THSD7A: variants seen among roughly 807,000 people sequenced by gnomAD.
THSD7A encodes the protein thrombospondin type 1 domain containing 7A.
In THSD7A, 96 loss-of-function variants were observed where a neutral mutation model predicts 231.3. The observed-to-expected ratio is 0.41, with a 90% CI of 0.35 to 0.49. The LOEUF (loss-of-function observed/expected upper bound fraction) is 0.49. Among genes scored for constraint, THSD7A ranks in the 20% least tolerant of loss-of-function variants. The probability of loss-of-function intolerance (pLI) is 0.05; values close to 1 mark genes in which losing one functional copy is unlikely to be tolerated. For synonymous variants in THSD7A, 940 were observed against 743.3 expected, an observed-to-expected ratio of 1.26 and a Z score of -4.30; for missense variants, 2,290 against 2,070.2, an observed-to-expected ratio of 1.11 and a Z score of -2.06.
intron 11 of THSD7A, among the ~76,000 whole-genome samples, chr7:11,451,707 G>A (rs1562620013): frequency 6.6e-6 from 1 of 151,990 alleles, no homozygotes; most frequent in East Asian, 1.9e-4. Flanking sequence ...AGATAACACT[G>A]GCTGAGCTAA....
chr7:11,649,433 T>C (rs1459155497), intron 1 of THSD7A, among the ~76,000 whole-genome samples: 3 of 152,038 alleles, frequency 2.0e-5, no homozygotes, highest in Admixed American at 6.6e-5. Flanking sequence ...TTTGAGGTAA[T>C]ATTTTATGCA....
chr7:11,478,285 G>A (rs1053907587), intron 7 of THSD7A, among the ~76,000 whole-genome samples: 1 of 152,172 alleles, frequency 6.6e-6, no homozygotes, highest in Non-Finnish European at 1.5e-5. Flanking sequence ...CCTTGATGCT[G>A]GAATTCTCTC....
chr7:11,698,876 T>TGG (rs1025127089), intron 1 of THSD7A, among the ~76,000 whole-genome samples: 3 of 151,398 alleles, frequency 2.0e-5, no homozygotes, highest in African/African-American at 7.3e-5. Flanking sequence ...GATCAGGTTT[T>TGG]GGATCAGCTG....
At chr7:11,574,979 C>T (rs903238010) in intron 4 of THSD7A, among the ~76,000 whole-genome samples, 1 of 152,104 alleles carries the variant, frequency 6.6e-6, no homozygotes, top group Non-Finnish European at 1.5e-5. Flanking sequence ...GATTCACAAT[C>T]CTGATTATGA....
At chr7:11,612,064 T>C (rs1012784056) in intron 2 of THSD7A, among the ~76,000 whole-genome samples, 4 of 152,136 alleles carry the variant, frequency 2.6e-5, no homozygotes, top group African/African-American at 9.7e-5. Context: ...CAAACTATTA[T>C]ATCCTGAATT....
At chr7:11,545,704 AG>A (rs2128324160) in intron 4 of THSD7A, among the ~76,000 whole-genome samples, 1 of 152,342 alleles carries the variant, frequency 6.6e-6, no homozygotes, top group South Asian at 2.1e-4. Flanking sequence ...TCCTAGCTGC[AG>A]GGGAACCCAC....
At chr7:11,561,997 C>G (rs1163306274) in intron 4 of THSD7A, among the ~76,000 whole-genome samples, 2 of 152,130 alleles carry the variant, frequency 1.3e-5, no homozygotes, top group African/African-American at 4.8e-5. Flanking sequence ...CATGTTCTTC[C>G]CCCAGTTCCC....
At position 11,511,919 on chromosome 7, in the gene THSD7A, C is replaced by A. The variant is rs191699681; in HGVS notation, c.1822+29500G>T. On this transcript the variant is annotated intron_variant, in intron 6 of 27. Transcript: ENST00000423059. Reference sequence around the variant, plus strand: ...ACACCAAAAGCAATGGCAACAAAAGCCAAAATTGACAAATGGGATCTAATT... The same window carrying A: ...ACACCAAAAGCAATGGCAACAAAAGACAAAATTGACAAATGGGATCTAATT... Among the ~76,000 whole-genome samples, 687 of 152,168 alleles carry A rather than the reference C, an allele frequency of 4.5e-3. 2 individuals are homozygous for A. The highest frequency in any genetic ancestry group is 6.2e-3 in the Admixed American group (94 of 15,276).
At chr7:11,599,963 C>A (rs1780494210) in intron 2 of THSD7A, among the ~76,000 whole-genome samples, 1 of 151,906 alleles carries the variant, frequency 6.6e-6, no homozygotes, top group African/African-American at 2.4e-5. Context: ...AACCTCTCAG[C>A]CTACATCTTT....
At chr7:11,823,317 T>G (rs1784926938) in intron 1 of THSD7A, among the ~76,000 whole-genome samples, 1 of 152,144 alleles carries the variant, frequency 6.6e-6, no homozygotes, top group African/African-American at 2.4e-5. Flanking sequence ...TCTATGCATC[T>G]ATTTTTATAC....
At chr7:11,802,961 A>G (rs1430898767) in intron 1 of THSD7A, among the ~76,000 whole-genome samples, 2 of 152,198 alleles carry the variant, frequency 1.3e-5, no homozygotes, top group African/African-American at 2.4e-5. Context: ...TCAAATAACC[A>G]TACATATATT....
chr7:11,825,865 C>T (rs1258795465), intron 1 of THSD7A, among the ~76,000 whole-genome samples: 1 of 152,126 alleles, frequency 6.6e-6, no homozygotes, highest in Non-Finnish European at 1.5e-5. Context: ...AACAGTGTGA[C>T]ATTCTGAATA....
At chr7:11,516,375 T>C (rs1788030201) in intron 6 of THSD7A, among the ~76,000 whole-genome samples, 1 of 152,226 alleles carries the variant, frequency 6.6e-6, no homozygotes, top group South Asian at 2.1e-4. Flanking sequence ...GAGGAATGAT[T>C]TGGTGAGAAC....
intron 4 of THSD7A, among the ~76,000 whole-genome samples, chr7:11,556,329 CTA>C (rs35115342): frequency 0.13 from 19,829 of 150,180 alleles, 1,626 homozygotes; most frequent in East Asian, 0.18. Context: ...ACAAGATATA[CTA>C]TATATATATA....
At position 11,417,569 on chromosome 7, in the gene THSD7A, G is replaced by A. The variant is rs1181578562; in HGVS notation, c.3418C>T (p.His1140Tyr). 6.2e-7 allele frequency: 1 copy of A among 1,612,628 alleles called. No individual in the cohort carries two copies. The highest frequency in any genetic ancestry group is 8.5e-7 in the Non-Finnish European group (1 of 1,179,540). Residue 1140 changes from histidine to tyrosine, a missense_variant, in exon 17 of 28, where the codon CAT (histidine) becomes TAT (tyrosine). His to Tyr is a moderately conservative substitution (Grantham distance 83). Coordinates refer to ENST00000423059, the MANE Select transcript of THSD7A (RefSeq NM_015204.3). ...MQNTADGPSEHVEDYLCDPEE... is the reference protein window; with the variant it reads ...MQNTADGPSEYVEDYLCDPEE... ...GGGTCACAGAGGTAATCCTCTACATGTTCAGAAGGGCCATCTGCTGTATTC... is the reference window on the plus strand; with the variant it reads ...GGGTCACAGAGGTAATCCTCTACATATTCAGAAGGGCCATCTGCTGTATTC...
At chr7:11,727,091 T>G (rs1044417213) in intron 1 of THSD7A, among the ~76,000 whole-genome samples, 3 of 152,004 alleles carry the variant, frequency 2.0e-5, no homozygotes, top group Non-Finnish European at 4.4e-5. Context: ...CTGATATTAT[T>G]TTACATTATA....
intron 4 of THSD7A, among the ~76,000 whole-genome samples, chr7:11,571,301 T>C (rs546337016): frequency 1.3e-5 from 2 of 152,336 alleles, no homozygotes; most frequent in African/African-American, 4.8e-5. Context: ...GATGTTATTC[T>C]GAGGAACATG....
chr7:11,545,184 T>C (rs1229620404), intron 4 of THSD7A, among the ~76,000 whole-genome samples: 1 of 152,124 alleles, frequency 6.6e-6, no homozygotes, highest in Non-Finnish European at 1.5e-5. Flanking sequence ...ATGGAAACTT[T>C]CGGAGTATCT....
At chr7:11,778,589 G>C (rs548920212) in intron 1 of THSD7A, among the ~76,000 whole-genome samples, 2 of 152,248 alleles carry the variant, frequency 1.3e-5, no homozygotes, top group South Asian at 4.1e-4. Context: ...AAATTCGTCA[G>C]CTTAGAAATA....
Sources: gnomAD v4.1 joint callset for allele counts (sites outside exome capture counted in the v4.1 genomes callset) on GRCh38, gnomAD v4.1.1 for gene constraint, MANE v1.5 for transcripts, NCBI Gene and HGNC (gene_info 2026-07-23, HGNC 2026-07-21) for gene names.